THRAP3: variants seen among roughly 807,000 people sequenced by gnomAD.
THRAP3 encodes thyroid hormone receptor associated protein 3.
THRAP3 carries 16 observed loss-of-function variants against 101.0 expected under a neutral mutation model. The ratio of observed to expected loss-of-function variants is 0.16; its 90% CI spans 0.11 to 0.24. The LOEUF is 0.24. Ranked by LOEUF, THRAP3 falls within the 10% of genes least tolerant of loss-of-function variation. The probability of loss-of-function intolerance (pLI) is 1.00; values close to 1 mark genes in which losing one functional copy is unlikely to be tolerated. For synonymous variants in THRAP3, 407 were observed against 422.6 expected (o/e 0.96, Z 0.45); for missense variants, 989 against 1,202.7 (o/e 0.82, Z 2.63).
In THRAP3 at chr1:36,287,015, G is replaced by A. The variant is rs1322480240; in HGVS notation, c.785G>A (p.Arg262Gln). 6 of 1,614,042 alleles carry A rather than the reference G, an allele frequency of 3.7e-6. No homozygotes were observed. The highest frequency in any genetic ancestry group is 2.2e-5 in the East Asian group (1 of 44,894). Residue 262 changes from arginine to glutamine, a missense_variant, in exon 4 of 12, where the codon CGG (arginine) becomes CAG (glutamine). Arg to Gln is a conservative substitution (Grantham distance 43). Transcript: ENST00000354618. ...CCCCTCCAGTCTGTGGTGGTGAGGC[G>A]GCGGTCACCCCGTCCTAGCCCCGTG... Reference protein sequence around the residue: ...KSPLQSVVVRRRSPRPSPVPK... With the variant: ...KSPLQSVVVRQRSPRPSPVPK...
At chr1:36,224,783 C>T (rs892542786) in intron 1 of THRAP3, among the ~76,000 whole-genome samples, 5 of 152,168 alleles carry the variant, frequency 3.3e-5, no homozygotes, top group Admixed American at 6.6e-5. Flanking sequence ...ATCTTGCAGT[C>T]GGCCTGGGGG....
rs66759336 is a variant in THRAP3, at chr1:36,249,685, AGTGTGT to A, written c.-134-9667_-134-9662del. Among the ~76,000 whole-genome samples the A allele has an allele frequency of 9.8e-3, 1,352 of 138,206 alleles. 17 individuals are homozygous for A. The highest frequency in any genetic ancestry group is 0.033 in the African/African-American group (1,274 of 38,108). 90.7% of individuals were successfully genotyped at this position (138,206 alleles called of 152,430 possible). On this transcript the variant is annotated intron_variant, in intron 1 of 11. Transcript: ENST00000354618. The stretch of plus-strand genomic sequence containing the variant: ...TTTCGAATAAGCGAAGCAGGTGGTG[AGTGTGT>A]GTGTGTGTGTGTGTGTGTGTGTGTG...
chr1:36,261,520 G>A (rs1237962540), intron 2 of THRAP3, among the ~76,000 whole-genome samples: 4 of 152,182 alleles, frequency 2.6e-5, no homozygotes, highest in Admixed American at 6.6e-5. Context: ...GCGACAGAGC[G>A]AGACTCCATC....
At position 36,268,725 on chromosome 1, in the gene THRAP3, T is replaced by G. The variant is rs568385788; in HGVS notation, c.-32+9241T>G. 2.4e-5 allele frequency among the ~76,000 whole-genome samples: 3 copies of G among 124,032 alleles called. No homozygotes were observed. In the East Asian group the frequency reaches 6.1e-4, roughly 25 times the overall value. The allele number at this position is 124,032 out of a possible 152,430, so 81.4% of individuals were successfully genotyped here. On this transcript the variant is annotated intron_variant, in intron 2 of 11. Transcript: ENST00000354618. The stretch of plus-strand genomic sequence containing the variant: ...ATCCATGTGTCCAATATGAGTTAAT[T>G]TTTTTTTTTTTTTTGAGACGGAGTC...
chr1:36,281,990 T>G (rs1645737371), intron 2 of THRAP3, among the ~76,000 whole-genome samples: 1 of 152,160 alleles, frequency 6.6e-6, no homozygotes, highest in Non-Finnish European at 1.5e-5. Flanking sequence ...GGAGAATTGC[T>G]TGAACCCGGG....
At chr1:36,225,772 A>G (rs1192997990) in intron 1 of THRAP3, among the ~76,000 whole-genome samples, 1 of 152,240 alleles carries the variant, frequency 6.6e-6, no homozygotes, top group Non-Finnish European at 1.5e-5. Context: ...TTGTGGAGCA[A>G]ATCGGGCTCA....
At chr1:36,251,362 C>G (rs1645298200) in intron 1 of THRAP3, among the ~76,000 whole-genome samples, 1 of 152,186 alleles carries the variant, frequency 6.6e-6, no homozygotes, top group East Asian at 1.9e-4. Context: ...TTTTCCCCAA[C>G]CTCTCTGCAC....
intron 1 of THRAP3, among the ~76,000 whole-genome samples, chr1:36,230,224 T>C (rs1645012609): frequency 6.6e-6 from 1 of 151,906 alleles, no homozygotes; most frequent in African/African-American, 2.4e-5. Context: ...GTTCAAGCGA[T>C]TCTCCTGCCT....
At chr1:36,300,358 T>A (rs1646017004) in intron 9 of THRAP3, among the ~76,000 whole-genome samples, 1 of 152,204 alleles carries the variant, frequency 6.6e-6, no homozygotes, top group African/African-American at 2.4e-5. Flanking sequence ...ATGAGGGAAA[T>A]AATACTGAGT....
At chr1:36,254,091 G>A (rs1320955553) in intron 1 of THRAP3, among the ~76,000 whole-genome samples, 4 of 152,082 alleles carry the variant, frequency 2.6e-5, no homozygotes, top group Non-Finnish European at 4.4e-5. Context: ...TCAAACTGCC[G>A]TGTGGTAGGG....
At chr1:36,237,125 G>T (rs935076022) in intron 1 of THRAP3, among the ~76,000 whole-genome samples, 1 of 151,610 alleles carries the variant, frequency 6.6e-6, no homozygotes, top group Non-Finnish European at 1.5e-5. Flanking sequence ...GCGTGCCATT[G>T]CACTCCAGCT....
intron 1 of THRAP3, 86 bp downstream of exon 1, chr1:36,224,591 CAG>C (rs1192405149): frequency 1.3e-5 from 2 of 152,706 alleles, no homozygotes; most frequent in Non-Finnish European, 2.9e-5. Flanking sequence ...AGCTGCTGGT[CAG>C]GGGCTCGGGG....
chr1:36,260,124 C>T (rs537039444), intron 2 of THRAP3, among the ~76,000 whole-genome samples: 47 of 152,158 alleles, frequency 3.1e-4, no homozygotes, highest in African/African-American at 9.6e-4. Context: ...CACCTGTAAT[C>T]CCAGCTACTT....
At chr1:36,229,378 G>C (rs1033086773) in intron 1 of THRAP3, among the ~76,000 whole-genome samples, 1 of 148,644 alleles carries the variant, frequency 6.7e-6, no homozygotes, top group African/African-American at 2.5e-5. Flanking sequence ...TTATAGCGGT[G>C]AGCCACCGTG....
intron 10 of THRAP3, 28 bp from the exon 11 acceptor site, chr1:36,301,524 TG>T: frequency 6.2e-7 from 1 of 1,606,882 alleles, no homozygotes; most frequent in South Asian, 1.1e-5. Context: ...CATGATCCTT[TG>T]TTCTTTTTCC....
chr1:36,225,934 A>G (rs971203037), intron 1 of THRAP3, among the ~76,000 whole-genome samples: 16 of 152,216 alleles, frequency 1.1e-4, no homozygotes, highest in Non-Finnish European at 2.9e-5. Flanking sequence ...CTCTATATCC[A>G]GTGTAATTCC....
chr1:36,261,932 G>T (rs191700796), intron 2 of THRAP3, among the ~76,000 whole-genome samples: 10 of 152,076 alleles, frequency 6.6e-5, no homozygotes, highest in Admixed American at 2.0e-4. Flanking sequence ...ACTAGAAATG[G>T]CAAGTATAAA....
At chr1:36,220,097 G>C (rs1177327044), upstream of THRAP3, among the ~76,000 whole-genome samples, 1 of 152,106 alleles carries the variant, frequency 6.6e-6, no homozygotes, top group Non-Finnish European at 1.5e-5. Flanking sequence ...GGGTTTAAGT[G>C]ATTCTCCTGC....
At chr1:36,252,969 T>A (rs865909411) in intron 1 of THRAP3, among the ~76,000 whole-genome samples, 164 of 124,542 alleles carry the variant, frequency 1.3e-3, no homozygotes, top group South Asian at 3.6e-3. Context: ...TATATATATA[T>A]AAATGTAAAT....
Sources: allele counts gnomAD v4.1 joint callset (sites outside exome capture counted in the v4.1 genomes callset), GRCh38; gene constraint gnomAD v4.1.1; transcripts MANE v1.5; gene names NCBI Gene and HGNC (gene_info 2026-07-23, HGNC 2026-07-21).